The following AATK variants were observed in gnomAD, a reference collection of about 807,000 sequenced individuals.
AATK encodes the protein serine/threonine-protein kinase LMTK1.
A neutral mutation model predicts 114.3 loss-of-function variants in AATK; 91 were observed. That is an observed-to-expected ratio of 0.80 (90% CI 0.67 to 0.95). AATK has a LOEUF of 0.95. Among genes scored for constraint, AATK ranks in the 40% least tolerant of loss-of-function variants. AATK has a pLI of 0.00. For synonymous variants in AATK, 1,075 were observed against 916.5 expected, an observed-to-expected ratio of 1.17 and a Z score of -3.12; for missense variants, 2,176 against 1,965.2, an observed-to-expected ratio of 1.11 and a Z score of -2.03.
At position 81,124,726 on chromosome 17, in the gene AATK, C is replaced by G; in HGVS notation, c.962+1G>C. The G allele has an allele frequency of 6.2e-7, 1 of 1,612,628 alleles. No individual in the cohort carries two copies. Among genetic ancestry groups the G allele is most frequent in the Non-Finnish European group, 8.5e-7 (1 of 1,179,662 alleles). ...CACGGTGCCACCAGGGCCGCACTCA[C>G]CACACATTCCCGCTCTTGGTCTGGT... On this transcript the variant is annotated splice_donor_variant, in intron 9 of 13. Transcript: ENST00000326724. LOFTEE classifies it high-confidence loss of function.
chr17:81,163,883 C>T (rs1447566853), intron 1 of AATK, among the ~76,000 whole-genome samples: 1 of 152,260 alleles, frequency 6.6e-6, no homozygotes, highest in South Asian at 2.1e-4. Flanking sequence ...GTGAGACCCC[C>T]ATGTCAGGTG....
Position 81,127,613 on chromosome 17 carries a change from G to A in AATK, c.591C>T (p.Pro197=), listed in dbSNP as rs1273740032. Residue 197 remains proline (P), a synonymous_variant, in exon 6 of 14, where the codon CCC becomes CCT. Coordinates refer to ENST00000326724, the MANE Select transcript of AATK (RefSeq NM_001080395.3). ...QCLAQCAEVT[P]YLLVMEFCPL... ...GGCAGAACTCCATCACCAGCAGGTA[G>A]GGCGTCACCTCGGCGCACTGGGCCA... 4 of 1,602,612 alleles carry A rather than the reference G, an allele frequency of 2.5e-6. No individual in the cohort carries two copies. The African/African-American group carries it at 4.0e-5, about 16-fold the overall frequency.
At chr17:81,159,724 G>A (rs1399840852) in intron 1 of AATK, among the ~76,000 whole-genome samples, 3 of 151,814 alleles carry the variant, frequency 2.0e-5, no homozygotes, top group Non-Finnish European at 4.4e-5. Context: ...CACCGAGGAC[G>A]GCATCCCCAG....
intron 8 of AATK, 25 bp downstream of exon 8, chr17:81,124,905 G>GGGCCCCCCC: frequency 1.1e-5 from 16 of 1,502,936 alleles, no homozygotes; most frequent in Non-Finnish European, 1.4e-5. Flanking sequence ...CTCATGCCCA[G>GGGCCCCCCC]CCCAGCCCAC....
At chr17:81,165,313 G>A (rs371547186) in intron 1 of AATK, among the ~76,000 whole-genome samples, 5 of 152,182 alleles carry the variant, frequency 3.3e-5, no homozygotes, top group Admixed American at 6.5e-5. Context: ...CTGGCCATAC[G>A]GGGTAAGAGG....
intron 1 of AATK, among the ~76,000 whole-genome samples, chr17:81,163,733 C>T (rs2061452017): frequency 6.6e-6 from 1 of 152,258 alleles, no homozygotes; most frequent in South Asian, 2.1e-4. Context: ...TGCCCACAGC[C>T]TCCACTCTCA....
rs530717705 is a variant in AATK at position 81,124,780 on chromosome 17, G to A, written c.909C>T (p.Asp303=). Residue 303 remains aspartate (D), a synonymous_variant, in exon 9 of 14, where the codon GAC becomes GAT. Transcript: ENST00000326724. ...PLRWIAPELV[D]EVHSNLLVVD... is the part of the protein sequence containing the mutation. ...CGACGAGCAGGTTGCTATGCACCTCGTCCACCAGCTCTGGCGCGATCCAGC... is the reference window on the plus strand; with the variant it reads ...CGACGAGCAGGTTGCTATGCACCTCATCCACCAGCTCTGGCGCGATCCAGC... 77 of 1,612,878 alleles carry A rather than the reference G, an allele frequency of 4.8e-5. No homozygotes were observed. Among genetic ancestry groups the A allele is most frequent in the African/African-American group, 4.5e-4 (34 of 75,072 alleles).
chr17:81,140,911 G>A (rs1193190086), intron 1 of AATK, among the ~76,000 whole-genome samples: 2 of 109,698 alleles, frequency 1.8e-5, no homozygotes, highest in African/African-American at 6.5e-5. Context: ...CCGTGGGGCC[G>A]TGGGGCCGTG....
intron 1 of AATK, among the ~76,000 whole-genome samples, chr17:81,137,944 ACACG>A (rs1239777379): frequency 1.3e-5 from 2 of 149,922 alleles, no homozygotes; most frequent in Non-Finnish European, 1.5e-5. Context: ...GCACACATCC[ACACG>A]CACGCACACA....
rs758361303 is a variant in AATK, at chr17:81,121,301, G to T, written c.2635C>A (p.Leu879Met). Residue 879 changes from leucine (L) to methionine (M), a missense_variant, in exon 11 of 14, where the codon CTG becomes ATG. Physicochemically the swap from Leu to Met is conservative, Grantham distance 15 (BLOSUM62 2). Around this residue, in one of 4 missense-constraint regions of AATK, gnomAD observed 1,701 missense variants for 1,394.7 expected, o/e 1.22. Coordinates refer to ENST00000326724, the MANE Select transcript of AATK (RefSeq NM_001080395.3). ...GIFTDTSSDG[L>M]QARRPDVVPA... Reference sequence around the variant, plus strand: ...ACCACATCCGGCCTCCTGGCCTGCAGGCCGTCGCTGGACGTGTCGGTGAAG... The same window carrying T: ...ACCACATCCGGCCTCCTGGCCTGCATGCCGTCGCTGGACGTGTCGGTGAAG... 1.9e-6 allele frequency: 3 copies of T among 1,611,602 alleles called. No homozygotes were observed. The highest frequency in any genetic ancestry group is 1.7e-6 in the Non-Finnish European group (2 of 1,179,684).
chr17:81,122,641 C>A lies in AATK; in HGVS notation c.1295G>T (p.Gly432Val). ...CTCCACCACGCCGCCCAGCATGGGCCCCGCCGCACCGGGCCCGGGCCCCAC... is the reference window on the plus strand; with the variant it reads ...CTCCACCACGCCGCCCAGCATGGGCACCGCCGCACCGGGCCCGGGCCCCAC... ...GGVGPGPGAA[G>V]PMLGGVVELA... is the part of the protein sequence containing the mutation. Residue 432 changes from glycine to valine, a missense_variant, in exon 11 of 14, where the codon GGG (glycine) becomes GTG (valine). Around this residue, in one of 4 missense-constraint regions of AATK, gnomAD observed 1,701 missense variants for 1,394.7 expected, o/e 1.22. Coordinates refer to ENST00000326724, the MANE Select transcript of AATK (RefSeq NM_001080395.3). 7.0e-7 allele frequency: 1 copy of A among 1,435,870 alleles called. No homozygotes were observed. The highest frequency in any genetic ancestry group is 2.8e-5 in the Admixed American group (1 of 35,276). The allele number at this position is 1,435,870 out of a possible 1,614,324, so 88.9% of individuals were successfully genotyped here.
Position 81,137,494 on chromosome 17 carries a change from G to A in AATK, c.56-2993C>T, listed in dbSNP as rs931193643. Among the ~76,000 whole-genome samples, 23 of 152,162 alleles carry A rather than the reference G, an allele frequency of 1.5e-4. 1 individual carries two copies. The highest frequency in any genetic ancestry group is 5.1e-4 in the African/African-American group (21 of 41,496). ...GCACCCACAGCCGAGTGCACCCACC[G>A]CCGCCTCTGCATTCCTGGAGCCTTC... is the stretch of plus-strand genomic sequence containing the variant. On this transcript the variant is annotated intron_variant, in intron 1 of 13. Coordinates refer to ENST00000326724, the MANE Select transcript of AATK (RefSeq NM_001080395.3).
chr17:81,135,142 G>A (rs1303971051), intron 1 of AATK, among the ~76,000 whole-genome samples: 2 of 152,168 alleles, frequency 1.3e-5, no homozygotes, highest in Non-Finnish European at 2.9e-5. Flanking sequence ...GGGAAACCCC[G>A]TTCTGCAGCT....
intron 1 of AATK, among the ~76,000 whole-genome samples, chr17:81,147,392 A>C (rs2061236523): frequency 6.6e-6 from 1 of 151,822 alleles, no homozygotes; most frequent in Admixed American, 6.6e-5. Flanking sequence ...AAAAGAGCCT[A>C]AATGTTCAAC....
In AATK at chr17:81,145,954, G is replaced by A. The variant is rs142474236; in HGVS notation, c.56-11453C>T. Among the ~76,000 whole-genome samples, 1,162 of 152,072 alleles carry A rather than the reference G, an allele frequency of 7.6e-3. 3 individuals are homozygous for A. The highest frequency in any genetic ancestry group is 0.013 in the Non-Finnish European group (852 of 68,010). ...CACAATCCCAGCACTTTGGGAGGCC[G>A]AGGCAGGCGGATCACTCGAGGTGAG... is the stretch of plus-strand genomic sequence containing the variant. On this transcript the variant is annotated intron_variant, in intron 1 of 13. Transcript: ENST00000326724.
chr17:81,122,514 G>C lies in AATK; in HGVS notation c.1422C>G (p.Gly474=). The change falls in exon 11 of 14, where the codon GGC becomes GGG. Residue 474 remains glycine (G), a synonymous_variant. Coordinates refer to ENST00000326724, the MANE Select transcript of AATK (RefSeq NM_001080395.3). ...DVLTVTETSR[G]LNFEYKWEAG... is the part of the protein sequence containing the mutation. ...CCTCCCACTTGTACTCAAAATTGAG[G>C]CCTCGGCTGGTCTCGGTCACCGTCA... The C allele has an allele frequency of 3.4e-6, 5 of 1,478,768 alleles. No homozygotes were observed. Among genetic ancestry groups the C allele is most frequent in the Non-Finnish European group, 4.5e-6 (5 of 1,110,612 alleles). 91.6% of individuals were successfully genotyped at this position (1,478,768 alleles called of 1,614,324 possible). A position where few individuals can be genotyped will look rare whatever the true frequency, so the allele number is the denominator to read the frequency against.
rs548000689 is a variant in AATK at position 81,143,078 on chromosome 17, G to T, written c.56-8577C>A. Among the ~76,000 whole-genome samples the T allele has an allele frequency of 8.5e-5, 13 of 152,362 alleles. No homozygotes were observed. The East Asian group carries it at 2.3e-3, about 27-fold the overall frequency. On this transcript the variant is annotated intron_variant, in intron 1 of 13. Transcript: ENST00000326724. The stretch of plus-strand genomic sequence containing the variant: ...GGGGATCCCAGCTTGGGGTGCTGCC[G>T]TCCGCAGCGTTGCCGGCACACGGCC...
Position 81,122,729 on chromosome 17 carries a change from C to A in AATK, c.1207G>T (p.Ala403Ser), listed in dbSNP as rs770313873. Residue 403 changes from alanine to serine, a missense_variant, in exon 11 of 14, where the codon GCC becomes TCC. Transcript: ENST00000326724. ...TCAAACTCCTCCTCTGCTTCGGTGG[C>A]GCCCTTGGCACACAGGTAGGACAGC... ...LLLSYLCAKG[A>S]TEAEEEFERR... is the part of the protein sequence containing the mutation. 1.4e-5 allele frequency: 23 copies of A among 1,593,952 alleles called. No individual in the cohort carries two copies. The highest frequency in any genetic ancestry group is 3.3e-4 in the Middle Eastern group (2 of 6,060).
rs1374514635 is a variant in AATK at position 81,122,135 on chromosome 17, G to A, written c.1801C>T (p.Arg601Trp). The A allele has an allele frequency of 4.6e-6, 7 of 1,532,624 alleles. No individual in the cohort carries two copies. The highest frequency in any genetic ancestry group is 6.1e-6 in the Non-Finnish European group (7 of 1,141,354). The allele number at this position is 1,532,624 out of a possible 1,614,324, so 94.9% of individuals were successfully genotyped here. A position where few individuals can be genotyped will look rare whatever the true frequency, so the allele number is the denominator to read the frequency against. ...GDHYPRRSLA[R>W]DPLCPSRSPS... ...GAGCGTGAGGGGCAGAGCGGGTCCC[G>A]CGCCAAGCTTCTGCGAGGGTAGTGG... Residue 601 changes from arginine (R) to tryptophan (W), a missense_variant, in exon 11 of 14, where the codon CGG becomes TGG. Physicochemically the swap from Arg to Trp is moderately radical, Grantham distance 101. Transcript: ENST00000326724.
Sources: gnomAD v4.1 joint callset for allele counts (sites outside exome capture counted in the v4.1 genomes callset) on GRCh38, gnomAD v4.1.1 for gene constraint, gnomAD v4.1.1 regional missense constraint, MANE v1.5 for transcripts, NCBI Gene and HGNC (gene_info 2026-07-23, HGNC 2026-07-21) for gene names.